The following OSBP2 variants were observed in gnomAD, a reference collection of about 807,000 sequenced individuals.
OSBP2 encodes oxysterol binding protein 2.
A neutral mutation model predicts 96.0 loss-of-function variants in OSBP2; 66 were observed. The observed-to-expected ratio is 0.69, with a 90% CI of 0.56 to 0.84. The LOEUF (loss-of-function observed/expected upper bound fraction) is 0.84, where lower values mean the gene tolerates loss of function less well. OSBP2 is among the 40% of genes least tolerant of loss of function. The pLI is 0.00. For synonymous variants in OSBP2, 525 were observed against 520.9 expected (o/e 1.01, Z -0.11); for missense variants, 1,038 against 1,222.7 (o/e 0.85, Z 2.25).
chr22:30,704,235 A>G (rs948972563), intron 1 of OSBP2, among the ~76,000 whole-genome samples: 8 of 152,230 alleles, frequency 5.3e-5, no homozygotes, highest in Non-Finnish European at 1.2e-4. Flanking sequence ...ACCCACAGCT[A>G]TACTTTATTA....
intron 3 of OSBP2, among the ~76,000 whole-genome samples, chr22:30,879,698 G>A (rs984799374): frequency 2.6e-5 from 4 of 152,226 alleles, no homozygotes; most frequent in African/African-American, 7.2e-5. Flanking sequence ...GACCAGAATC[G>A]CAGTGCAGCT....
chr22:30,814,585 C>T lies in OSBP2; in HGVS notation c.854-55844C>T, dbSNP rs2091057499. Reference sequence around the variant, plus strand: ...AGCTGGGACTACAGGCACATGCCACCACTCTCAGCTATTTTTGTATTTTAG... The same window carrying T: ...AGCTGGGACTACAGGCACATGCCACTACTCTCAGCTATTTTTGTATTTTAG... On this transcript the variant is annotated intron_variant, in intron 2 of 13. Transcript: ENST00000332585. Among the ~76,000 whole-genome samples, 3 of 151,798 alleles carry T rather than the reference C, an allele frequency of 2.0e-5. No individual in the cohort carries two copies. The South Asian group carries it at 6.2e-4, about 32-fold the overall frequency.
At chr22:30,710,403 A>G (rs2089328069) in intron 1 of OSBP2, among the ~76,000 whole-genome samples, 1 of 152,168 alleles carries the variant, frequency 6.6e-6, no homozygotes, top group Admixed American at 6.6e-5. Flanking sequence ...TCTCATAGAT[A>G]TCAGCATGTT....
At chr22:30,771,184 G>A (rs1339838952) in intron 2 of OSBP2, among the ~76,000 whole-genome samples, 2 of 152,168 alleles carry the variant, frequency 1.3e-5, no homozygotes, top group African/African-American at 2.4e-5. Flanking sequence ...GGCAAAAGTC[G>A]TTTGGGCTCC....
intron 2 of OSBP2, among the ~76,000 whole-genome samples, chr22:30,771,639 C>G (rs1243821832): frequency 4.6e-5 from 7 of 152,348 alleles, no homozygotes; most frequent in South Asian, 2.1e-4. Flanking sequence ...CTTCATTTGT[C>G]AGCCTAGGTT....
intron 2 of OSBP2, among the ~76,000 whole-genome samples, chr22:30,771,700 A>T (rs1312271103): frequency 1.3e-5 from 2 of 152,226 alleles, no homozygotes; most frequent in African/African-American, 4.8e-5. Flanking sequence ...ATCTGTTTGC[A>T]ACATGAGATC....
intron 2 of OSBP2, among the ~76,000 whole-genome samples, chr22:30,786,956 A>G (rs1331354325): frequency 6.6e-6 from 1 of 151,934 alleles, no homozygotes; most frequent in Non-Finnish European, 1.5e-5. Flanking sequence ...GTGCCACCAC[A>G]CCAGGCTAAT....
chr22:30,821,988 G>A (rs1013515331), intron 2 of OSBP2, among the ~76,000 whole-genome samples: 6 of 152,360 alleles, frequency 3.9e-5, no homozygotes, highest in African/African-American at 1.4e-4. Flanking sequence ...CCAGATGCCT[G>A]CAGGCCTGTG....
rs12159345 is a variant in OSBP2 at position 30,768,930 on chromosome 22, C to T, written c.853+27561C>T. On this transcript the variant is annotated intron_variant, in intron 2 of 13. Transcript: ENST00000332585. ...AGGCAAGGCTGTCAACTCAGGATGTCACTAATCCAGAGGTGGAGGGCCCCG... is the reference window on the plus strand; with the variant it reads ...AGGCAAGGCTGTCAACTCAGGATGTTACTAATCCAGAGGTGGAGGGCCCCG... 3.1e-3 allele frequency among the ~76,000 whole-genome samples: 479 copies of T among 152,342 alleles called. 3 individuals are homozygous for T. The highest frequency in any genetic ancestry group is 0.011 in the African/African-American group (462 of 41,584).
Position 30,906,433 on chromosome 22 carries a change from C to A in OSBP2, c.*94C>A, listed in dbSNP as rs978385653. The A allele has an allele frequency of 1.2e-4, 169 of 1,366,062 alleles. No homozygotes were observed. The highest frequency in any genetic ancestry group is 1.6e-4 in the Non-Finnish European group (161 of 1,023,618). 84.6% of individuals were successfully genotyped at this position (1,366,062 alleles called of 1,614,324 possible). A position where few individuals can be genotyped will look rare whatever the true frequency, so the allele number is the denominator to read the frequency against. On this transcript the variant is annotated 3_prime_UTR_variant, in exon 14 of 14. Transcript: ENST00000332585. ...TAGTACTGAATGGTCTTTCTCCCAGCCCATTCCCAGCCCTTCCTATTTCCT... is the reference window on the plus strand; with the variant it reads ...TAGTACTGAATGGTCTTTCTCCCAGACCATTCCCAGCCCTTCCTATTTCCT...
Position 30,889,570 on chromosome 22 carries a change from C to T in OSBP2, c.1557C>T (p.Tyr519=), listed in dbSNP as rs755588925. The T allele has an allele frequency of 5.0e-6, 8 of 1,614,146 alleles. No homozygotes were observed. The highest frequency in any genetic ancestry group is 1.1e-5 in the South Asian group (1 of 91,078). ...RRVRIPNKPN[Y]SLNLWSIMKN... ...TCCGCATTCCCAACAAGCCCAACTA[C>T]AGCCTTAACCTCTGGAGCATCATGA... The change falls in exon 7 of 14, where the codon TAC becomes TAT. Residue 519 remains tyrosine (Y), a synonymous_variant. Transcript: ENST00000332585.
chr22:30,702,017 A>C (rs1223013121), intron 1 of OSBP2, among the ~76,000 whole-genome samples: 1 of 152,088 alleles, frequency 6.6e-6, no homozygotes, highest in Non-Finnish European at 1.5e-5. Flanking sequence ...ATGAACTGTC[A>C]TTTTCCCCAC....
chr22:30,794,992 C>T (rs1319527754), intron 2 of OSBP2, among the ~76,000 whole-genome samples: 1 of 150,908 alleles, frequency 6.6e-6, no homozygotes, highest in Non-Finnish European at 1.5e-5. Context: ...CTCACTGCAA[C>T]CTCCACCTCC....
rs781117852 is a variant in OSBP2 at position 30,765,066 on chromosome 22, AT to A, written c.853+23705del. On this transcript the variant is annotated intron_variant, in intron 2 of 13. Coordinates refer to ENST00000332585, the MANE Select transcript of OSBP2 (RefSeq NM_030758.4). Reference sequence around the variant, plus strand: ...TTTTATTTGTTTTAATTTAATTTAAATTTTTTTTATAGAGACAGGGCCTCAC... The same window carrying A: ...TTTTATTTGTTTTAATTTAATTTAAATTTTTTTATAGAGACAGGGCCTCAC... Among the ~76,000 whole-genome samples the A allele has an allele frequency of 5.9e-5, 9 of 151,800 alleles. No individual in the cohort carries two copies. The South Asian group carries it at 8.4e-4, about 14-fold the overall frequency.
intron 3 of OSBP2, among the ~76,000 whole-genome samples, chr22:30,875,167 G>A (rs981819392): frequency 1.3e-5 from 2 of 152,156 alleles, no homozygotes; most frequent in South Asian, 2.1e-4. Context: ...GTGAGAAAGT[G>A]GAGGCCCAGC....
chr22:30,711,336 T>C (rs2089345126), intron 1 of OSBP2, among the ~76,000 whole-genome samples: 1 of 151,854 alleles, frequency 6.6e-6, no homozygotes, highest in Admixed American at 6.6e-5. Flanking sequence ...TGTACATACA[T>C]ATATATATAA....
chr22:30,776,623 T>G, intron 2 of OSBP2, among the ~76,000 whole-genome samples: 1 of 152,024 alleles, frequency 6.6e-6, no homozygotes, highest in Non-Finnish European at 1.5e-5. Context: ...TTTTTGGAAC[T>G]GGTGTGATTA....
chr22:30,833,041 C>T (rs1225803611), intron 2 of OSBP2, among the ~76,000 whole-genome samples: 1 of 152,160 alleles, frequency 6.6e-6, no homozygotes, highest in Non-Finnish European at 1.5e-5. Context: ...GGTGTCAGTG[C>T]GCGAGTTCTC....
intron 2 of OSBP2, among the ~76,000 whole-genome samples, chr22:30,748,851 C>A (rs2090039371): frequency 6.6e-6 from 1 of 152,226 alleles, no homozygotes; most frequent in Admixed American, 6.5e-5. Context: ...CATGGTGGCT[C>A]ATGCCTGTAA....
Sources: allele counts gnomAD v4.1 joint callset (sites outside exome capture counted in the v4.1 genomes callset), GRCh38; gene constraint gnomAD v4.1.1; transcripts MANE v1.5; gene names NCBI Gene and HGNC (gene_info 2026-07-23, HGNC 2026-07-21).